Variants in PTPRD observed in about 807,000 individuals in gnomAD.
PTPRD encodes the protein receptor-type tyrosine-protein phosphatase delta.
PTPRD carries 34 observed loss-of-function variants against 214.5 expected under a neutral mutation model. That is an observed-to-expected ratio of 0.16 (90% CI 0.12 to 0.21). The LOEUF is 0.21. PTPRD is among the 10% of genes least tolerant of loss of function. The probability of loss-of-function intolerance (pLI) is 1.00; values close to 1 mark genes in which losing one functional copy is unlikely to be tolerated. For missense variants in PTPRD, 2,545 were observed against 2,398.7 expected, an observed-to-expected ratio of 1.06 and a Z score of -1.27; for synonymous variants, 1,128 against 845.7, an observed-to-expected ratio of 1.33 and a Z score of -5.79.
intron 3 of PTPRD, among the ~76,000 whole-genome samples, chr9:10,240,496 A>G (rs1403280960): frequency 6.6e-6 from 1 of 151,980 alleles, no homozygotes; most frequent in Non-Finnish European, 1.5e-5. Flanking sequence ...TCACATTTAT[A>G]CTATGATGTA....
At chr9:10,478,412 T>C (rs1444162066) in intron 2 of PTPRD, among the ~76,000 whole-genome samples, 1 of 152,158 alleles carries the variant, frequency 6.6e-6, no homozygotes. Flanking sequence ...ACAAAGGAGA[T>C]AATACCCGTA....
In PTPRD at chr9:9,260,772, G is replaced by T. The variant is rs183722829; in HGVS notation, c.-202-77409C>A. ...TAAAATGGTAGACGACACTTTTCATGTACTCACTGACAATCACTTTTTCCC... is the reference window on the plus strand; with the variant it reads ...TAAAATGGTAGACGACACTTTTCATTTACTCACTGACAATCACTTTTTCCC... On this transcript the variant is annotated intron_variant, in intron 9 of 45. Transcript: ENST00000381196. Among the ~76,000 whole-genome samples the T allele has an allele frequency of 5.3e-5, 8 of 151,956 alleles. No individual in the cohort carries two copies. In the East Asian group the frequency reaches 1.6e-3, roughly 30 times the overall value.
intron 12 of PTPRD, among the ~76,000 whole-genome samples, chr9:8,669,764 T>C (rs2097243431): frequency 6.6e-6 from 1 of 152,140 alleles, no homozygotes. Context: ...GTGGGTCACC[T>C]GGAATGCCAG....
chr9:10,126,410 A>C (rs183994676), intron 3 of PTPRD, among the ~76,000 whole-genome samples: 42 of 147,002 alleles, frequency 2.9e-4, no homozygotes, highest in Non-Finnish European at 5.5e-4. Context: ...TTCCTTAAAT[A>C]ATACTGTTTT....
chr9:8,481,453 ACTT>A (rs1311748739), intron 30 of PTPRD, among the ~76,000 whole-genome samples: 1 of 152,072 alleles, frequency 6.6e-6, no homozygotes, highest in Non-Finnish European at 1.5e-5. Context: ...CTATTTTAAA[ACTT>A]CTTATTTCTG....
At chr9:8,952,424 G>C (rs2099107445) in intron 11 of PTPRD, among the ~76,000 whole-genome samples, 1 of 151,940 alleles carries the variant, frequency 6.6e-6, no homozygotes, top group Non-Finnish European at 1.5e-5. Context: ...CAATCTGTAT[G>C]TTTTACCTTT....
chr9:9,203,635 C>T (rs2099943166), intron 9 of PTPRD, among the ~76,000 whole-genome samples: 1 of 152,104 alleles, frequency 6.6e-6, no homozygotes, highest in South Asian at 2.1e-4. Flanking sequence ...GATTTTCCTC[C>T]CCTTGATCCA....
intron 2 of PTPRD, among the ~76,000 whole-genome samples, chr9:10,543,033 A>T (rs2059457589): frequency 6.6e-6 from 1 of 151,744 alleles, no homozygotes; most frequent in Admixed American, 6.6e-5. Flanking sequence ...TTACAGGCGT[A>T]ATCTACCTCA....
At chr9:9,707,685 T>G (rs998477313) in intron 7 of PTPRD, among the ~76,000 whole-genome samples, 7 of 152,150 alleles carry the variant, frequency 4.6e-5, no homozygotes, top group Admixed American at 6.6e-5. Context: ...AAATACAACT[T>G]TTTTCTAAAA....
intron 11 of PTPRD, among the ~76,000 whole-genome samples, chr9:8,841,887 G>A (rs753756359): frequency 1.4e-4 from 21 of 151,450 alleles, no homozygotes; most frequent in Non-Finnish European, 2.2e-4. Context: ...GGCGGACACC[G>A]GTAATCCCAG....
intron 2 of PTPRD, among the ~76,000 whole-genome samples, chr9:10,603,035 C>A (rs1481737180): frequency 1.3e-5 from 2 of 151,684 alleles, no homozygotes; most frequent in African/African-American, 4.8e-5. Flanking sequence ...CATGGATTAT[C>A]AAGTACAACA....
At position 8,903,758 on chromosome 9, in the gene PTPRD, TTATG is replaced by T. The variant is rs1230702340; in HGVS notation, c.-104+114935_-104+114938del. ...GTTCTGATTCTCTACCTTTAAAAAA[TTATG>T]GGAAATTTGATTACTATTTAAAAGA... On this transcript the variant is annotated intron_variant, in intron 11 of 45. Transcript: ENST00000381196. Among the ~76,000 whole-genome samples, 788 of 148,266 alleles carry T rather than the reference TTATG, an allele frequency of 5.3e-3. 22 individuals are homozygous for T. Among genetic ancestry groups the T allele is most frequent in the African/African-American group, 0.02 (741 of 37,822 alleles).
chr9:10,449,656 T>C (rs1292313231), intron 2 of PTPRD, among the ~76,000 whole-genome samples: 4 of 150,984 alleles, frequency 2.6e-5, no homozygotes, highest in African/African-American at 7.3e-5. Flanking sequence ...CCGCCCCGTC[T>C]GGGATGTGAG....
At chr9:8,955,225 T>C (rs1037884975) in intron 11 of PTPRD, among the ~76,000 whole-genome samples, 2 of 151,834 alleles carry the variant, frequency 1.3e-5, no homozygotes, top group African/African-American at 4.8e-5. Context: ...TATGAAAAAG[T>C]TGGCTGGGTT....
At chr9:8,587,254 A>G (rs2093736152) in intron 14 of PTPRD, among the ~76,000 whole-genome samples, 1 of 152,218 alleles carries the variant, frequency 6.6e-6, no homozygotes, top group African/African-American at 2.4e-5. Flanking sequence ...AAATAATAAA[A>G]ATCTGCAGAG....
chr9:8,561,734 T>C (rs1488395943), intron 14 of PTPRD, among the ~76,000 whole-genome samples: 1 of 148,890 alleles, frequency 6.7e-6, no homozygotes, highest in African/African-American at 2.5e-5. Flanking sequence ...ATAAAGTCTT[T>C]AGGAAAGGAT....
At chr9:8,740,329 CA>C (rs1598427507) in intron 11 of PTPRD, among the ~76,000 whole-genome samples, 1 of 152,162 alleles carries the variant, frequency 6.6e-6, no homozygotes, top group Non-Finnish European at 1.5e-5. Context: ...CTACTTCTGG[CA>C]GCAAAGAACT....
chr9:10,541,883 C>A (rs892412526), intron 2 of PTPRD, among the ~76,000 whole-genome samples: 9 of 152,022 alleles, frequency 5.9e-5, no homozygotes, highest in African/African-American at 1.9e-4. Flanking sequence ...AGACAGTTGA[C>A]AACTTTCATC....
At chr9:8,723,517 G>T (rs1007300677) in intron 12 of PTPRD, among the ~76,000 whole-genome samples, 4 of 152,094 alleles carry the variant, frequency 2.6e-5, no homozygotes, top group Non-Finnish European at 4.4e-5. Context: ...AAAGTCTGTG[G>T]TAACAGGAAT....
Sources: allele counts gnomAD v4.1 joint callset (sites outside exome capture counted in the v4.1 genomes callset), GRCh38; gene constraint gnomAD v4.1.1; transcripts MANE v1.5; gene names NCBI Gene and HGNC (gene_info 2026-07-23, HGNC 2026-07-21).